The following AGBL3 variants were observed in gnomAD, a reference collection of about 807,000 sequenced individuals.
AGBL3 encodes AGBL carboxypeptidase 3.
In AGBL3, 68 loss-of-function variants were observed where a neutral mutation model predicts 94.5. That is an observed-to-expected ratio of 0.72 (90% CI 0.59 to 0.88). The LOEUF (loss-of-function observed/expected upper bound fraction) is 0.88. AGBL3 is among the 40% of genes least tolerant of loss of function. The pLI is 0.00. For synonymous variants in AGBL3, 354 were observed against 370.7 expected (o/e 0.95, Z 0.52); for missense variants, 934 against 1,103.8 (o/e 0.85, Z 2.18).
chr7:135,034,032 G>C, intron 6 of AGBL3, 117 bp from the exon 7 acceptor site: 2 of 959,158 alleles, frequency 2.1e-6, no homozygotes, highest in Non-Finnish European at 2.9e-6. Context: ...AGCTTTCTGT[G>C]AATGAGTAAA....
intron 12 of AGBL3, among the ~76,000 whole-genome samples, chr7:135,075,581 A>G (rs377140200): frequency 1.8e-4 from 27 of 152,184 alleles, no homozygotes; most frequent in African/African-American, 6.3e-4. Flanking sequence ...CCCTGAGATA[A>G]AAACCCAGGA....
intron 16 of AGBL3, among the ~76,000 whole-genome samples, chr7:135,131,406 C>T (rs1161120430): frequency 1.3e-5 from 2 of 151,028 alleles, no homozygotes; most frequent in Non-Finnish European, 2.9e-5. Flanking sequence ...CAAACCTGCA[C>T]GTTCTGCACA....
intron 11 of AGBL3, among the ~76,000 whole-genome samples, chr7:135,047,900 T>C (rs1417492308): frequency 6.6e-6 from 1 of 152,000 alleles, no homozygotes; most frequent in East Asian, 1.9e-4. Flanking sequence ...TTTTTGGGTT[T>C]GTTGCCTATG....
intron 4 of AGBL3, among the ~76,000 whole-genome samples, chr7:134,999,420 T>C (rs1427527040): frequency 1.3e-5 from 2 of 152,230 alleles, no homozygotes. Flanking sequence ...TTTATTTGTA[T>C]TTTGTGCCTC....
chr7:135,124,563 A>G (rs1827595922), intron 16 of AGBL3, among the ~76,000 whole-genome samples: 2 of 152,264 alleles, frequency 1.3e-5, no homozygotes, highest in Admixed American at 6.5e-5. Context: ...AGACATCTAC[A>G]GAAATCTCCA....
Position 135,081,483 on chromosome 7 carries a change from C to G in AGBL3, c.2039-236C>G, listed in dbSNP as rs187841472. Reference sequence around the variant, plus strand: ...TTATAACTGTCTATTTGTGTGTTTTCTTATTTCTTTATAACAAATTCCTAG... The same window carrying G: ...TTATAACTGTCTATTTGTGTGTTTTGTTATTTCTTTATAACAAATTCCTAG... On this transcript the variant is annotated intron_variant, in intron 14 of 16. Coordinates refer to ENST00000436302, the MANE Select transcript of AGBL3 (RefSeq NM_178563.4). Among the ~76,000 whole-genome samples, 5 of 151,992 alleles carry G rather than the reference C, an allele frequency of 3.3e-5. No homozygotes were observed. In the East Asian group the frequency reaches 9.7e-4, roughly 29 times the overall value.
chr7:135,132,689 C>T (rs766896110), intron 16 of AGBL3, among the ~76,000 whole-genome samples: 6 of 152,054 alleles, frequency 3.9e-5, no homozygotes, highest in South Asian at 2.1e-4. Context: ...TCAGGAGATC[C>T]GATGGTTTTA....
chr7:135,122,739 T>C (rs1194222413), intron 16 of AGBL3, among the ~76,000 whole-genome samples: 1 of 151,638 alleles, frequency 6.6e-6, no homozygotes, highest in African/African-American at 2.4e-5. Flanking sequence ...GGCCCAGGAG[T>C]GAACCAGATG....
chr7:135,109,301 C>T (rs926948396), intron 15 of AGBL3, among the ~76,000 whole-genome samples: 10 of 152,196 alleles, frequency 6.6e-5, no homozygotes, highest in Non-Finnish European at 1.5e-4. Context: ...GGAGGCAGCA[C>T]GGGTGAGGGC....
At chr7:134,999,462 G>T (rs1811437996) in intron 4 of AGBL3, among the ~76,000 whole-genome samples, 1 of 152,138 alleles carries the variant, frequency 6.6e-6, no homozygotes, top group Admixed American at 6.5e-5. Flanking sequence ...CCAACAATCA[G>T]CCCATGCCTA....
chr7:135,110,841 T>C (rs912243726), intron 15 of AGBL3, among the ~76,000 whole-genome samples: 2 of 152,220 alleles, frequency 1.3e-5, no homozygotes, highest in African/African-American at 4.8e-5. Flanking sequence ...ATCCTTTGAC[T>C]AAGCCAATGC....
At chr7:135,098,885 A>G (rs1352678157) in intron 15 of AGBL3, among the ~76,000 whole-genome samples, 1 of 152,188 alleles carries the variant, frequency 6.6e-6, no homozygotes, top group Non-Finnish European at 1.5e-5. Context: ...ATACAATAAT[A>G]ATATGACATA....
chr7:135,128,505 A>G, intron 16 of AGBL3: 2 of 758,884 alleles, frequency 2.6e-6, no homozygotes, highest in East Asian at 4.9e-5. Context: ...TTTACGATGG[A>G]GATGAATTTA....
At chr7:135,125,005 G>A (rs557994762) in intron 16 of AGBL3, among the ~76,000 whole-genome samples, 11 of 152,060 alleles carry the variant, frequency 7.2e-5, no homozygotes, top group Non-Finnish European at 1.6e-4. Context: ...AGAGGCAAGA[G>A]CAAACTAATC....
At chr7:135,074,137 T>C (rs1298147744) in intron 12 of AGBL3, among the ~76,000 whole-genome samples, 3 of 152,176 alleles carry the variant, frequency 2.0e-5, no homozygotes, top group Admixed American at 2.0e-4. Context: ...AGCTTGATTG[T>C]GGTAATAATT....
At chr7:135,121,535 T>C (rs1451705330) in intron 16 of AGBL3, among the ~76,000 whole-genome samples, 3 of 137,798 alleles carry the variant, frequency 2.2e-5, no homozygotes, top group Non-Finnish European at 4.7e-5. Context: ...TAGAAATCAA[T>C]AGCCAAAGGG....
intron 11 of AGBL3, among the ~76,000 whole-genome samples, chr7:135,054,910 A>G (rs1486358832): frequency 6.6e-6 from 1 of 152,232 alleles, no homozygotes; most frequent in South Asian, 2.1e-4. Flanking sequence ...AGGTTTATTT[A>G]GCTCATAGTT....
At chr7:135,071,292 T>C (rs1287789828) in intron 12 of AGBL3, among the ~76,000 whole-genome samples, 8 of 151,950 alleles carry the variant, frequency 5.3e-5, no homozygotes, top group Non-Finnish European at 7.4e-5. Context: ...AATGGTAAAT[T>C]TTCACCATTT....
rs1829297484 is a variant in AGBL3 at position 135,135,333 on chromosome 7, G to A, written c.*72G>A. 4 of 1,314,378 alleles carry A rather than the reference G, an allele frequency of 3.0e-6. No homozygotes were observed. Among genetic ancestry groups the A allele is most frequent in the Admixed American group, 3.1e-5 (1 of 32,210 alleles). 81.4% of individuals were successfully genotyped at this position (1,314,378 alleles called of 1,614,324 possible). A position where few individuals can be genotyped will look rare whatever the true frequency, so the allele number is the denominator to read the frequency against. On this transcript the variant is annotated 3_prime_UTR_variant, in exon 17 of 17. Coordinates refer to ENST00000436302, the MANE Select transcript of AGBL3 (RefSeq NM_178563.4). Reference sequence around the variant, plus strand: ...GCTTATGTAGTAAAAAGAAAAAAAGGAAAGCCCTCCCCTTCCCCTTTCCCT... The same window carrying A: ...GCTTATGTAGTAAAAAGAAAAAAAGAAAAGCCCTCCCCTTCCCCTTTCCCT...
Sources: allele counts gnomAD v4.1 joint callset (sites outside exome capture counted in the v4.1 genomes callset), GRCh38; gene constraint gnomAD v4.1.1; transcripts MANE v1.5; gene names NCBI Gene and HGNC (gene_info 2026-07-23, HGNC 2026-07-21).